SHB: variants seen among roughly 807,000 people sequenced by gnomAD.
SHB encodes the protein SH2 domain containing adaptor protein B, also known as SH2 domain-containing adapter protein B.
In SHB, 20 loss-of-function variants were observed where a neutral mutation model predicts 52.3. The observed-to-expected ratio is 0.38, with a 90% CI of 0.27 to 0.56. The LOEUF (loss-of-function observed/expected upper bound fraction) is 0.56, where lower values mean the gene tolerates loss of function less well. Ranked by LOEUF, SHB falls within the 20% of genes least tolerant of loss-of-function variation. The pLI, the probability that SHB is intolerant of heterozygous loss-of-function variation, is 0.71. For synonymous variants in SHB, 397 were observed against 316.5 expected, an observed-to-expected ratio of 1.25 and a Z score of -2.70; for missense variants, 825 against 723.3, an observed-to-expected ratio of 1.14 and a Z score of -1.61.
chr9:37,946,239 G>A (rs1293245264), intron 5 of SHB, among the ~76,000 whole-genome samples: 1 of 152,234 alleles, frequency 6.6e-6, no homozygotes, highest in South Asian at 2.1e-4. Flanking sequence ...CCTTGGGACT[G>A]CATGCCTACG....
At chr9:38,066,726 G>A (rs1196401350) in intron 1 of SHB, among the ~76,000 whole-genome samples, 1 of 152,134 alleles carries the variant, frequency 6.6e-6, no homozygotes, top group Non-Finnish European at 1.5e-5. Context: ...AAAAACTAGA[G>A]GGACATTCCC....
intron 1 of SHB, among the ~76,000 whole-genome samples, chr9:38,057,172 C>T (rs1564112410): frequency 6.6e-6 from 1 of 152,102 alleles, no homozygotes; most frequent in Non-Finnish European, 1.5e-5. Flanking sequence ...CGAGGAAAAG[C>T]CCAACATGTG....
intron 4 of SHB, among the ~76,000 whole-genome samples, chr9:37,949,019 T>A (rs1426528795): frequency 1.3e-5 from 2 of 152,116 alleles, no homozygotes; most frequent in Non-Finnish European, 2.9e-5. Flanking sequence ...CAGAGCACAG[T>A]GTGAGGACAG....
chr9:38,012,795 C>T (rs1334275872), intron 2 of SHB, among the ~76,000 whole-genome samples: 1 of 148,938 alleles, frequency 6.7e-6, no homozygotes, highest in Non-Finnish European at 1.5e-5. Flanking sequence ...AAGATGATGC[C>T]CTGTAACTAC....
At chr9:37,935,573 C>G (rs2118483166) in intron 5 of SHB, among the ~76,000 whole-genome samples, 1 of 152,202 alleles carries the variant, frequency 6.6e-6, no homozygotes, top group African/African-American at 2.4e-5. Flanking sequence ...AGAGAGCTGA[C>G]TAGGGCTTCA....
At chr9:37,966,662 AG>A in intron 3 of SHB, among the ~76,000 whole-genome samples, 2 of 152,344 alleles carry the variant, frequency 1.3e-5, no homozygotes, top group South Asian at 4.1e-4. Flanking sequence ...GAAGCTATAC[AG>A]GGGACAGGAA....
intron 2 of SHB, among the ~76,000 whole-genome samples, chr9:37,988,363 CT>C (rs1238229598): frequency 2.6e-5 from 4 of 152,150 alleles, no homozygotes; most frequent in Admixed American, 2.6e-4. Context: ...TCTCAGAGGC[CT>C]TTCTGACTCC....
intron 3 of SHB, among the ~76,000 whole-genome samples, chr9:37,969,355 T>G (rs1249189280): frequency 6.6e-6 from 1 of 152,138 alleles, no homozygotes; most frequent in Non-Finnish European, 1.5e-5. Context: ...CTTAGCTTCC[T>G]TATCTGTAAA....
At chr9:38,042,047 C>T (rs1191321234) in intron 1 of SHB, among the ~76,000 whole-genome samples, 1 of 152,146 alleles carries the variant, frequency 6.6e-6, no homozygotes, top group Admixed American at 6.5e-5. Context: ...CTGGGGCAGA[C>T]GGGGGAAACG....
intron 5 of SHB, among the ~76,000 whole-genome samples, chr9:37,939,911 C>T (rs972057375): frequency 2.0e-5 from 3 of 152,194 alleles, no homozygotes; most frequent in South Asian, 2.1e-4. Flanking sequence ...CATGCTGACC[C>T]GTATCACCTC....
At chr9:37,935,901 A>G (rs1832363401) in intron 5 of SHB, among the ~76,000 whole-genome samples, 1 of 149,838 alleles carries the variant, frequency 6.7e-6, no homozygotes, top group Admixed American at 6.7e-5. Flanking sequence ...ATAGCCAATG[A>G]GCTTCCTGCT....
At chr9:38,015,276 C>A (rs1268607545) in intron 2 of SHB, 1 of 607,086 alleles carries the variant, frequency 1.6e-6, no homozygotes, top group Non-Finnish European at 2.9e-6. Flanking sequence ...CCTAATCCTG[C>A]CTACAAGATG....
At chr9:37,975,077 C>T (rs538059908) in intron 2 of SHB, among the ~76,000 whole-genome samples, 1 of 152,342 alleles carries the variant, frequency 6.6e-6, no homozygotes, top group East Asian at 1.9e-4. Context: ...GCCCTGCCTC[C>T]ATCCACTCAT....
intron 1 of SHB, among the ~76,000 whole-genome samples, chr9:38,036,472 T>C (rs1475346385): frequency 6.6e-6 from 1 of 152,256 alleles, no homozygotes; most frequent in African/African-American, 2.4e-5. Flanking sequence ...CCTAGAGCTC[T>C]GCCCACGCAG....
At position 37,975,573 on chromosome 9, in the gene SHB, G is replaced by A. The variant is rs184303203; in HGVS notation, c.839-736C>T. 8.5e-4 allele frequency among the ~76,000 whole-genome samples: 130 copies of A among 152,368 alleles called. 1 individual carries two copies. The highest frequency in any genetic ancestry group is 1.8e-3 in the Admixed American group (28 of 15,308). On this transcript the variant is annotated intron_variant, in intron 2 of 5. Coordinates refer to ENST00000377707, the MANE Select transcript of SHB (RefSeq NM_003028.3). ...CCTGTCTAGACGAGGTCCCAGACAGGAGGTGTTCATTTTGGCTGCTGCTCA... is the reference window on the plus strand; with the variant it reads ...CCTGTCTAGACGAGGTCCCAGACAGAAGGTGTTCATTTTGGCTGCTGCTCA...
chr9:38,021,035 C>T (rs1157653839), intron 1 of SHB, among the ~76,000 whole-genome samples: 1 of 152,032 alleles, frequency 6.6e-6, no homozygotes, highest in African/African-American at 2.4e-5. Flanking sequence ...CTCAAACCTG[C>T]TAAAAAGAAT....
intron 5 of SHB, among the ~76,000 whole-genome samples, chr9:37,937,053 C>T (rs1832380212): frequency 6.6e-6 from 1 of 152,252 alleles, no homozygotes; most frequent in Admixed American, 6.5e-5. Flanking sequence ...TTCCAAGATG[C>T]CCCTAGTCAG....
At chr9:37,963,123 C>T (rs777708308) in intron 3 of SHB, among the ~76,000 whole-genome samples, 21 of 152,178 alleles carry the variant, frequency 1.4e-4, no homozygotes, top group Non-Finnish European at 2.1e-4. Context: ...GACAGTCTGC[C>T]GCACATCCTC....
intron 2 of SHB, among the ~76,000 whole-genome samples, chr9:37,993,465 G>A (rs1299355544): frequency 1.3e-5 from 2 of 152,146 alleles, no homozygotes; most frequent in African/African-American, 4.8e-5. Flanking sequence ...TGTAAACGAT[G>A]GGTTAATGGG....
Sources: gnomAD v4.1 joint callset for allele counts (sites outside exome capture counted in the v4.1 genomes callset) on GRCh38, gnomAD v4.1.1 for gene constraint, MANE v1.5 for transcripts, NCBI Gene and HGNC (gene_info 2026-07-23, HGNC 2026-07-21) for gene names.